TEX14: variants seen among roughly 807,000 people sequenced by gnomAD.
The protein encoded by TEX14 is inactive serine/threonine-protein kinase TEX14.
A neutral mutation model predicts 178.6 loss-of-function variants in TEX14; 168 were observed. That is an observed-to-expected ratio of 0.94 (90% CI 0.83 to 1.07). TEX14 has a LOEUF of 1.07. Among genes scored for constraint, TEX14 ranks in the 50% least tolerant of loss-of-function variants. The pLI, the probability that TEX14 is intolerant of heterozygous loss-of-function variation, is 0.00. For missense variants in TEX14, 1,730 were observed against 1,753.6 expected (o/e 0.99, Z 0.24); for synonymous variants, 626 against 634.1 (o/e 0.99, Z 0.19).
intron 1 of TEX14, among the ~76,000 whole-genome samples, chr17:58,669,052 T>C (rs184347404): frequency 2.0e-5 from 3 of 152,088 alleles, no homozygotes; most frequent in Non-Finnish European, 4.4e-5. Flanking sequence ...CTGTATTGTG[T>C]AAAAAAGGGG....
Position 58,651,914 on chromosome 17 carries a change from A to G in TEX14, c.88T>C (p.Tyr30His), listed in dbSNP as rs1312412095. 2 of 1,613,262 alleles carry G rather than the reference A, an allele frequency of 1.2e-6. No homozygotes were observed. The highest frequency in any genetic ancestry group is 1.7e-6 in the Non-Finnish European group (2 of 1,179,848). Residue 30 changes from tyrosine to histidine, a missense_variant, in exon 2 of 32, where the codon TAT (tyrosine) becomes CAT (histidine). By Grantham distance (83) the Tyr-to-His change is moderately conservative. This residue lies in a region of TEX14 where 789 missense variants were observed against 681.2 expected (regional missense o/e 1.16). Coordinates refer to ENST00000349033, the MANE Select transcript of TEX14 (RefSeq NM_031272.5). ...TTCACATAGTTCCCTTGTTTGACAT[A>G]CTCATGAAGCTGAGCTTCCAGGGAG... is the stretch of plus-strand genomic sequence containing the variant. ...NDSLEAQLHE[Y>H]VKQGNYVKVK...
intron 2 of TEX14, among the ~76,000 whole-genome samples, chr17:58,641,139 G>A (rs538831085): frequency 4.6e-5 from 7 of 152,224 alleles, no homozygotes; most frequent in Non-Finnish European, 8.8e-5. Context: ...GGCTGAGAGC[G>A]GTAGCTCACG....
chr17:58,595,168 T>TG (rs2045250504), intron 14 of TEX14, among the ~76,000 whole-genome samples: 1 of 152,174 alleles, frequency 6.6e-6, no homozygotes, highest in African/African-American at 2.4e-5. Flanking sequence ...ATCATGAAGT[T>TG]TGTAACGTTT....
At chr17:58,674,248 C>G (rs1035070170) in intron 1 of TEX14, among the ~76,000 whole-genome samples, 3 of 151,484 alleles carry the variant, frequency 2.0e-5, no homozygotes, top group Non-Finnish European at 4.4e-5. Flanking sequence ...TGCACTCCAG[C>G]CTGGGCGACA....
intron 3 of TEX14, among the ~76,000 whole-genome samples, chr17:58,624,818 C>T (rs941543976): frequency 1.3e-5 from 2 of 152,196 alleles, no homozygotes; most frequent in African/African-American, 4.8e-5. Flanking sequence ...TAATAATCCA[C>T]TGGGATATCT....
chr17:58,676,621 ATCAT>A (rs2047399267), intron 1 of TEX14, among the ~76,000 whole-genome samples: 1 of 152,166 alleles, frequency 6.6e-6, no homozygotes, highest in Non-Finnish European at 1.5e-5. Context: ...CCTAAAGGTG[ATCAT>A]TCAAAGTAGT....
intron 5 of TEX14, among the ~76,000 whole-genome samples, chr17:58,618,398 T>A (rs2045925257): frequency 6.6e-6 from 1 of 152,234 alleles, no homozygotes; most frequent in Non-Finnish European, 1.5e-5. Context: ...GACACTGATG[T>A]TGCTCATTCC....
intron 15 of TEX14, among the ~76,000 whole-genome samples, chr17:58,592,483 CG>C (rs752984123): frequency 5.9e-5 from 9 of 151,966 alleles, no homozygotes; most frequent in Non-Finnish European, 1.0e-4. Context: ...TATAGGCGCC[CG>C]CCACCACGCC....
At chr17:58,665,783 C>T (rs746612860) in intron 1 of TEX14, among the ~76,000 whole-genome samples, 10 of 151,148 alleles carry the variant, frequency 6.6e-5, no homozygotes, top group Non-Finnish European at 1.5e-4. Context: ...CGGTGGCTCA[C>T]GCCTATAATC....
At position 58,611,350 on chromosome 17, in the gene TEX14, G is replaced by C. The variant is rs1277827022; in HGVS notation, c.1006-11C>G. ...TGGGAACTGGGACCGCTGCAAGCAA[G>C]AGATGAAATGCCACGAAAAAAAAAA... On this transcript the variant is annotated splice_polypyrimidine_tract_variant and intron_variant, in intron 9 of 31. Transcript: ENST00000349033. 6.3e-7 allele frequency: 1 copy of C among 1,599,504 alleles called. No homozygotes were observed. Among genetic ancestry groups the C allele is most frequent in the Non-Finnish European group, 8.5e-7 (1 of 1,172,154 alleles).
intron 1 of TEX14, among the ~76,000 whole-genome samples, chr17:58,672,483 C>T (rs1195013930): frequency 6.6e-6 from 1 of 152,154 alleles, no homozygotes; most frequent in African/African-American, 2.4e-5. Flanking sequence ...ACCCAGGCTG[C>T]AGTGCAGAGG....
chr17:58,604,878 T>C (rs1275499093), intron 11 of TEX14, 100 bp downstream of exon 11: 19 of 1,346,384 alleles, frequency 1.4e-5, no homozygotes, highest in Non-Finnish European at 1.8e-5. Context: ...CTCTTTTTAA[T>C]AAGTCTTCTA....
Position 58,593,672 on chromosome 17 carries a change from A to G in TEX14, c.2470-11T>C. The stretch of plus-strand genomic sequence containing the variant: ...ACAAAGAGTCGGCAGCTTAAAAAGC[A>G]ATAAACATGTTTCAGGGCTTTGATG... On this transcript the variant is annotated splice_polypyrimidine_tract_variant and intron_variant, in intron 14 of 31. Transcript: ENST00000349033. The G allele has an allele frequency of 6.2e-7, 1 of 1,609,276 alleles. No homozygotes were observed. Among genetic ancestry groups the G allele is most frequent in the East Asian group, 2.2e-5 (1 of 44,864 alleles).
intron 10 of TEX14, among the ~76,000 whole-genome samples, chr17:58,607,152 A>C (rs1258742434): frequency 6.6e-6 from 1 of 152,190 alleles, no homozygotes; most frequent in African/African-American, 2.4e-5. Flanking sequence ...GTTACCAAAA[A>C]TAAATGTGGG....
rs1196705440 is a variant in TEX14 at position 58,587,682 on chromosome 17, T to G, written c.2703-16A>C. 8 of 1,578,654 alleles carry G rather than the reference T, an allele frequency of 5.1e-6. No homozygotes were observed. The African/African-American group carries it at 1.1e-4, about 21-fold the overall frequency. ...CACACTCATCCTGAATTGCACGGGT[T>G]TTTTGGAGGTAGGGGGAGCGGGGTG... On this transcript the variant is annotated splice_polypyrimidine_tract_variant and intron_variant, in intron 16 of 31. Transcript: ENST00000349033.
At chr17:58,602,004 A>G (rs1478740095) in intron 12 of TEX14, 48 bp from the exon 13 acceptor site, 1 of 1,595,332 alleles carries the variant, frequency 6.3e-7, no homozygotes, top group African/African-American at 1.3e-5. Context: ...GTCATCCTGA[A>G]TGTCACTGGT....
In TEX14 at chr17:58,599,669, A is replaced by G; in HGVS notation, c.1679-3T>C. The G allele has an allele frequency of 2.5e-6, 4 of 1,604,138 alleles. No individual in the cohort carries two copies. Among genetic ancestry groups the G allele is most frequent in the Non-Finnish European group, 3.4e-6 (4 of 1,175,634 alleles). ...CCTTGGTGAATGAGGTTGACTGCCT[A>G]TTGAAAAAAACAGCAAAATGCAACT... On this transcript the variant is annotated splice_region_variant and splice_polypyrimidine_tract_variant and intron_variant, in intron 13 of 31. Coordinates refer to ENST00000349033, the MANE Select transcript of TEX14 (RefSeq NM_031272.5).
At chr17:58,563,141 A>G (rs2044306431) in intron 28 of TEX14, among the ~76,000 whole-genome samples, 1 of 151,866 alleles carries the variant, frequency 6.6e-6, no homozygotes, top group South Asian at 2.1e-4. Context: ...GCTCCCTTCA[A>G]TTTTGTATCC....
chr17:58,617,969 G>T (rs1276834897), intron 5 of TEX14, among the ~76,000 whole-genome samples: 1 of 152,190 alleles, frequency 6.6e-6, no homozygotes, highest in African/African-American at 2.4e-5. Flanking sequence ...CAGCTGCCAT[G>T]ATATGAGGAC....
Sources: allele counts gnomAD v4.1 joint callset (sites outside exome capture counted in the v4.1 genomes callset), GRCh38; gene constraint gnomAD v4.1.1; regional missense constraint gnomAD v4.1.1; transcripts MANE v1.5; gene names NCBI Gene and HGNC (gene_info 2026-07-23, HGNC 2026-07-21).